The following PALS2 variants were observed in gnomAD, a reference collection of about 807,000 sequenced individuals.
The protein encoded by PALS2 is protein PALS2.
Under a neutral mutation model 61.6 loss-of-function variants are expected in PALS2, and 27 were observed. The observed-to-expected ratio is 0.44, with a 90% CI of 0.32 to 0.60. The LOEUF (loss-of-function observed/expected upper bound fraction) is 0.60, where lower values mean the gene tolerates loss of function less well. PALS2 is among the 20% of genes least tolerant of loss of function. The probability of loss-of-function intolerance (pLI) is 0.05; values close to 1 mark genes in which losing one functional copy is unlikely to be tolerated. For synonymous variants in PALS2, 236 were observed against 218.6 expected (o/e 1.08, Z -0.70); for missense variants, 554 against 639.4 (o/e 0.87, Z 1.44).
At chr7:24,589,992 A>G (rs1013079273) in intron 1 of PALS2, among the ~76,000 whole-genome samples, 3 of 152,172 alleles carry the variant, frequency 2.0e-5, no homozygotes, top group African/African-American at 7.2e-5. Flanking sequence ...TACTGAGACA[A>G]TCAAAAATGG....
intron 2 of PALS2, among the ~76,000 whole-genome samples, chr7:24,637,637 C>T (rs899460499): frequency 2.6e-5 from 4 of 152,156 alleles, no homozygotes; most frequent in African/African-American, 9.7e-5. Context: ...CAGGTTTCTA[C>T]ACATAACAAT....
intron 11 of PALS2, among the ~76,000 whole-genome samples, chr7:24,683,701 C>T (rs1461330035): frequency 1.3e-5 from 2 of 152,078 alleles, no homozygotes; most frequent in South Asian, 2.1e-4. Flanking sequence ...TAACAGTGCC[C>T]ATTGTCACAT....
chr7:24,655,823 G>A (rs976999995), intron 5 of PALS2, among the ~76,000 whole-genome samples: 3 of 151,746 alleles, frequency 2.0e-5, no homozygotes, highest in Non-Finnish European at 4.4e-5. Flanking sequence ...ACCATGCCTG[G>A]CTAATTTTTA....
At chr7:24,667,538 T>G (rs1028308739) in intron 8 of PALS2, among the ~76,000 whole-genome samples, 1 of 152,282 alleles carries the variant, frequency 6.6e-6, no homozygotes, top group Non-Finnish European at 1.5e-5. Flanking sequence ...ATATACTGGT[T>G]TGTAATTTGA....
chr7:24,676,631 G>T (rs1263493574), intron 9 of PALS2, among the ~76,000 whole-genome samples: 3 of 152,018 alleles, frequency 2.0e-5, no homozygotes, highest in Non-Finnish European at 2.9e-5. Flanking sequence ...ATTAAATAGG[G>T]AATCCTTTCC....
chr7:24,618,494 G>T lies in PALS2; in HGVS notation c.-2-5172G>T, dbSNP rs1784373822. 6.6e-6 allele frequency among the ~76,000 whole-genome samples: 1 copy of T among 152,194 alleles called. No individual in the cohort carries two copies. The highest frequency in any genetic ancestry group is 1.5e-5 in the Non-Finnish European group (1 of 68,030). The stretch of plus-strand genomic sequence containing the variant: ...ATCGGTGACATGCTGCAGCAGCTTG[G>T]CTCACAAGGGAGTAAGTGCAGATCT... On this transcript the variant is annotated intron_variant, in intron 1 of 11. Coordinates refer to ENST00000222644, the MANE Select transcript of PALS2 (RefSeq NM_001303037.2). The surrounding 1 kb of genome is among the most constrained non-coding windows in gnomAD (Gnocchi z 5.1).
chr7:24,629,009 C>G lies in PALS2; in HGVS notation c.117+5225C>G, dbSNP rs538214837. On this transcript the variant is annotated intron_variant, in intron 2 of 11. Transcript: ENST00000222644. ...AAACTACTTTAAATTTCATATGGAACCAAAAAAGAGCCGGTATAGCCTAGA... is the reference window on the plus strand; with the variant it reads ...AAACTACTTTAAATTTCATATGGAAGCAAAAAAGAGCCGGTATAGCCTAGA... 3.3e-5 allele frequency among the ~76,000 whole-genome samples: 5 copies of G among 152,174 alleles called. No homozygotes were observed. In the East Asian group the frequency reaches 9.6e-4, roughly 29 times the overall value.
intron 1 of PALS2, among the ~76,000 whole-genome samples, chr7:24,610,083 G>A (rs1049430739): frequency 6.6e-6 from 1 of 152,110 alleles, no homozygotes; most frequent in Non-Finnish European, 1.5e-5. Context: ...CAAATAAAGA[G>A]TTAACTGCTT....
intron 1 of PALS2, among the ~76,000 whole-genome samples, chr7:24,604,437 C>G (rs561481568): frequency 6.0e-4 from 91 of 151,994 alleles, no homozygotes; most frequent in African/African-American, 2.1e-3. Flanking sequence ...AGTATTCCAA[C>G]AAGAGAAAGA....
intron 3 of PALS2, among the ~76,000 whole-genome samples, chr7:24,642,283 G>A (rs1213443880): frequency 6.6e-6 from 1 of 152,168 alleles, no homozygotes; most frequent in African/African-American, 2.4e-5. Flanking sequence ...AACATAGAGA[G>A]CTGTGAAGTA....
At chr7:24,599,489 T>A (rs977744283) in intron 1 of PALS2, among the ~76,000 whole-genome samples, 1 of 151,462 alleles carries the variant, frequency 6.6e-6, no homozygotes, top group Non-Finnish European at 1.5e-5. Context: ...TTTTCTTTTT[T>A]AATATCTTCT....
chr7:24,647,084 T>C (rs2893169), intron 3 of PALS2, among the ~76,000 whole-genome samples: 10,471 of 151,978 alleles, frequency 0.069, 443 homozygotes, highest in African/African-American at 0.11. Flanking sequence ...ATTAATTTTT[T>C]CAAAAACCCA....
intron 9 of PALS2, among the ~76,000 whole-genome samples, chr7:24,670,685 T>C (rs956189924): frequency 6.6e-6 from 1 of 152,348 alleles, no homozygotes; most frequent in African/African-American, 2.4e-5. Flanking sequence ...AGAATCTCTG[T>C]ACCCATTTCC....
chr7:24,677,631 A>G (rs138649185), intron 9 of PALS2, among the ~76,000 whole-genome samples: 10,501 of 152,194 alleles, frequency 0.069, 445 homozygotes, highest in African/African-American at 0.11. Context: ...TGAGATAATC[A>G]TGTGGTTTTT....
chr7:24,651,142 A>G (rs996398512), intron 5 of PALS2, among the ~76,000 whole-genome samples: 3 of 152,214 alleles, frequency 2.0e-5, no homozygotes, highest in Non-Finnish European at 2.9e-5. Context: ...GGATGGGTAT[A>G]AAGAAAATCT....
chr7:24,588,578 AT>A (rs1783162670), intron 1 of PALS2, among the ~76,000 whole-genome samples: 1 of 152,088 alleles, frequency 6.6e-6, no homozygotes, highest in African/African-American at 2.4e-5. Flanking sequence ...ACCTCTTCTG[AT>A]TTTTTAGTAT....
chr7:24,676,512 T>C (rs1787603318), intron 9 of PALS2, among the ~76,000 whole-genome samples: 1 of 152,150 alleles, frequency 6.6e-6, no homozygotes, highest in African/African-American at 2.4e-5. Flanking sequence ...GTTTTAGGTC[T>C]AACGTTTAAG....
At chr7:24,602,817 C>G (rs1330575090) in intron 1 of PALS2, among the ~76,000 whole-genome samples, 1 of 152,044 alleles carries the variant, frequency 6.6e-6, no homozygotes, top group Admixed American at 6.6e-5. Flanking sequence ...ATGGGAGGGA[C>G]CTGGTGGGAG....
In PALS2 at chr7:24,665,599, A is replaced by C. The variant is rs745860092; in HGVS notation, c.795A>C (p.Val265=). Residue 265 remains valine (V), a synonymous_variant, in exon 7 of 12, where the codon GTA becomes GTC. Coordinates refer to ENST00000222644, the MANE Select transcript of PALS2 (RefSeq NM_001303037.2). ...TAATTTGATTCTAGGCTAGCCATGTAAAAGAGGGAGGAAGCGCTGGTCTCA... is the reference window on the plus strand; with the variant it reads ...TAATTTGATTCTAGGCTAGCCATGTCAAAGAGGGAGGAAGCGCTGGTCTCA... The part of the protein sequence containing the change: ...EDPNWWQASH[V]KEGGSAGLIP... 6.2e-7 allele frequency: 1 copy of C among 1,613,600 alleles called. No individual in the cohort carries two copies. Among genetic ancestry groups the C allele is most frequent in the Non-Finnish European group, 8.5e-7 (1 of 1,179,634 alleles).
Sources: allele counts gnomAD v4.1 joint callset (sites outside exome capture counted in the v4.1 genomes callset), GRCh38; gene constraint gnomAD v4.1.1; non-coding constraint Gnocchi (gnomAD v3.1); transcripts MANE v1.5; gene names NCBI Gene and HGNC (gene_info 2026-07-23, HGNC 2026-07-21).